FMN2: variants seen among roughly 807,000 people sequenced by gnomAD.
FMN2 encodes the protein formin 2.
A neutral mutation model predicts 142.3 loss-of-function variants in FMN2; 51 were observed. The ratio of observed to expected loss-of-function variants is 0.36; its 90% confidence interval spans 0.29 to 0.45. The LOEUF is 0.45. FMN2 is among the 20% of genes least tolerant of loss of function. FMN2 has a pLI of 1.00. For missense variants in FMN2, 1,936 were observed against 2,122.8 expected, an observed-to-expected ratio of 0.91 and a Z score of 1.73; for synonymous variants, 882 against 869.8, an observed-to-expected ratio of 1.01 and a Z score of -0.25.
Position 240,207,287 on chromosome 1 carries a change from T to A in FMN2, c.2475T>A (p.Pro825=). ...SLLWSAGQGQ[P]GSQPPHSIST... ...TGTGGTCTGCTGGGCAAGGACAGCC[T>A]GGGTCACAGCCGCCCCATTCTATTT... The change falls in exon 5 of 18, where the codon CCT becomes CCA. Residue 825 remains proline, a synonymous_variant. Coordinates refer to ENST00000319653, the MANE Select transcript of FMN2 (RefSeq NM_020066.5). 1.9e-6 allele frequency: 3 copies of A among 1,613,944 alleles called. No individual in the cohort carries two copies. The highest frequency in any genetic ancestry group is 2.5e-6 in the Non-Finnish European group (3 of 1,179,912).
Position 240,463,276 on chromosome 1 carries a change from C to T in FMN2, c.5061-9096C>T, listed in dbSNP as rs577696170. Among the ~76,000 whole-genome samples, 3 of 152,218 alleles carry T rather than the reference C, an allele frequency of 2.0e-5. No individual in the cohort carries two copies. The South Asian group carries it at 6.2e-4, about 32-fold the overall frequency. On this transcript the variant is annotated intron_variant, in intron 16 of 17. Coordinates refer to ENST00000319653, the MANE Select transcript of FMN2 (RefSeq NM_020066.5). ...TTAGAAAGGTTGAGACAGATTTTAA[C>T]GTCATTACTGAAGAATGACAGAACT...
At chr1:240,233,192 C>T (rs182351208) in intron 6 of FMN2, among the ~76,000 whole-genome samples, 74 of 152,122 alleles carry the variant, frequency 4.9e-4, no homozygotes, top group Admixed American at 1.2e-3. Context: ...ACCAGCCTGA[C>T]CAACATGGTG....
chr1:240,352,029 T>C (rs1433519276), intron 13 of FMN2, among the ~76,000 whole-genome samples: 2 of 152,234 alleles, frequency 1.3e-5, no homozygotes, highest in Non-Finnish European at 2.9e-5. Context: ...ATATTAGCCT[T>C]CCTTGCCTCT....
Position 240,135,994 on chromosome 1 carries a change from T to A in FMN2, c.1782+12649T>A, listed in dbSNP as rs191488823. 3.7e-3 allele frequency among the ~76,000 whole-genome samples: 556 copies of A among 150,750 alleles called. 6 individuals carry two copies. The highest frequency in any genetic ancestry group is 0.017 in the Middle Eastern group (5 of 292). ...ATGCCTAGTCATGTTTTTTTTTTTT[T>A]AATCAATTTATAGTAATTTGTCCCC... On this transcript the variant is annotated intron_variant, in intron 2 of 17. Coordinates refer to ENST00000319653, the MANE Select transcript of FMN2 (RefSeq NM_020066.5).
intron 8 of FMN2, among the ~76,000 whole-genome samples, chr1:240,321,154 T>C (rs560956959): frequency 7.2e-6 from 1 of 137,960 alleles, no homozygotes; most frequent in Non-Finnish European, 1.5e-5. Context: ...ATTGAACTTG[T>C]TTTTTTTTTT....
intron 2 of FMN2, among the ~76,000 whole-genome samples, chr1:240,125,424 T>C (rs1004626406): frequency 6.6e-6 from 1 of 152,222 alleles, no homozygotes; most frequent in African/African-American, 2.4e-5. Context: ...AATGTTTTCC[T>C]CCCTTCTCTT....
At chr1:240,191,076 C>T (rs571140472) in intron 4 of FMN2, among the ~76,000 whole-genome samples, 1 of 152,230 alleles carries the variant, frequency 6.6e-6, no homozygotes, top group South Asian at 2.1e-4. Context: ...ATCAGCGTTG[C>T]CTGCGTTCTT....
chr1:240,354,214 G>A (rs1672192496), intron 13 of FMN2, among the ~76,000 whole-genome samples: 1 of 152,022 alleles, frequency 6.6e-6, no homozygotes, highest in African/African-American at 2.4e-5. Flanking sequence ...AAGGGTAAGA[G>A]GTTTTCACAG....
intron 7 of FMN2, among the ~76,000 whole-genome samples, chr1:240,270,252 A>G (rs542593687): frequency 6.6e-5 from 10 of 152,138 alleles, no homozygotes; most frequent in African/African-American, 2.4e-4. Flanking sequence ...GAGTTTGCCA[A>G]GGATGTGGGG....
intron 7 of FMN2, among the ~76,000 whole-genome samples, chr1:240,264,353 A>G (rs2102907864): frequency 1.3e-5 from 2 of 152,306 alleles, no homozygotes; most frequent in South Asian, 4.1e-4. Context: ...CATACAGGAT[A>G]CATATTCTTT....
chr1:240,114,913 C>A (rs1442814624), intron 1 of FMN2, among the ~76,000 whole-genome samples: 5 of 152,144 alleles, frequency 3.3e-5, no homozygotes, highest in Non-Finnish European at 5.9e-5. Flanking sequence ...ACCTCGGCCT[C>A]CCAAAGTGCT....
At chr1:240,416,348 C>T (rs1250257619) in intron 15 of FMN2, among the ~76,000 whole-genome samples, 2 of 151,112 alleles carry the variant, frequency 1.3e-5, no homozygotes, top group East Asian at 3.9e-4. Flanking sequence ...GCAACCTCCA[C>T]CTCCTGGGTT....
At chr1:240,184,947 TTCCCCTTCTCTTTCTCCCTCCTATACC>T (rs1665346185) in intron 3 of FMN2, among the ~76,000 whole-genome samples, 1 of 146,450 alleles carries the variant, frequency 6.8e-6, no homozygotes, top group Non-Finnish European at 1.5e-5. Flanking sequence ...CTCCTATACC[TTCCCCTTCTCTTTCTCCCTCCTATACC>T]TTCCCCTTCT....
chr1:240,240,436 G>A (rs1667854559), intron 6 of FMN2, among the ~76,000 whole-genome samples: 1 of 152,128 alleles, frequency 6.6e-6, no homozygotes, highest in Non-Finnish European at 1.5e-5. Context: ...TATGCACATG[G>A]TCTCAATAAG....
At chr1:240,436,170 G>C (rs115831194) in intron 15 of FMN2, among the ~76,000 whole-genome samples, 1 of 152,138 alleles carries the variant, frequency 6.6e-6, no homozygotes, top group Non-Finnish European at 1.5e-5. Flanking sequence ...ACCATAGCCC[G>C]TGGCAGCCAG....
rs186702787 is a variant in FMN2 at position 240,267,022 on chromosome 1, G to A, written c.4153+8990G>A. ...CAAGAAAACCTAGGAAATACCATTC[G>A]GGATATTGGCTTTGGCAAATAATTT... is the stretch of plus-strand genomic sequence containing the variant. On this transcript the variant is annotated intron_variant, in intron 7 of 17. Transcript: ENST00000319653. Among the ~76,000 whole-genome samples, 4 of 152,082 alleles carry A rather than the reference G, an allele frequency of 2.6e-5. No homozygotes were observed. The East Asian group carries it at 7.7e-4, about 29-fold the overall frequency.
At chr1:240,308,057 G>A (rs1670474114) in intron 8 of FMN2, among the ~76,000 whole-genome samples, 1 of 152,148 alleles carries the variant, frequency 6.6e-6, no homozygotes, top group African/African-American at 2.4e-5. Flanking sequence ...GTCAATGTGA[G>A]GGAAAGGATG....
At position 240,092,505 on chromosome 1, in the gene FMN2, TA is replaced by T. The variant is rs1661018485; in HGVS notation, c.397del (p.Thr133ProfsTer9). The stretch of plus-strand genomic sequence containing the variant: ...CGGCGGACGAGGCCGGCCTGTCGGA[TA>T]CCGAGTGTGCGGACCCTTTTGAGGT... ...LSADEAGLSDTECADPFEVTG... is the reference protein window; with the variant it reads ...LSADEAGLSDXECADPFEVTG... On this transcript the variant is annotated frameshift_variant, in exon 1 of 18. Coordinates refer to ENST00000319653, the MANE Select transcript of FMN2 (RefSeq NM_020066.5). LOFTEE classifies it high-confidence loss of function. 1 of 1,607,532 alleles carries T rather than the reference TA, an allele frequency of 6.2e-7. No homozygotes were observed. Among genetic ancestry groups the T allele is most frequent in the African/African-American group, 1.3e-5 (1 of 74,764 alleles).
At chr1:240,409,951 A>G (rs1035094436) in intron 15 of FMN2, among the ~76,000 whole-genome samples, 1 of 152,210 alleles carries the variant, frequency 6.6e-6, no homozygotes, top group Non-Finnish European at 1.5e-5. Context: ...AAAAATCAGT[A>G]GCCATAAATA....
Sources: allele counts gnomAD v4.1 joint callset (sites outside exome capture counted in the v4.1 genomes callset), GRCh38; gene constraint gnomAD v4.1.1; transcripts MANE v1.5; gene names NCBI Gene and HGNC (gene_info 2026-07-23, HGNC 2026-07-21).